Variants in SAMD3 observed in about 807,000 individuals in gnomAD.
SAMD3 encodes sterile alpha motif domain containing 3.
A neutral mutation model predicts 58.5 loss-of-function variants in SAMD3; 63 were observed. The ratio of observed to expected loss-of-function variants is 1.08; its 90% confidence interval spans 0.88 to 1.33. The LOEUF (loss-of-function observed/expected upper bound fraction) is 1.33. Ranked by LOEUF, SAMD3 falls within the 40% of genes most tolerant of loss-of-function variation. SAMD3 has a pLI of 0.00. For missense variants in SAMD3, 604 were observed against 608.4 expected (o/e 0.99, Z 0.08); for synonymous variants, 220 against 210.3 (o/e 1.05, Z -0.40).
downstream of SAMD3, chr6:130,143,610 C>T (rs1023062358): frequency 6.6e-6 from 1 of 152,154 alleles, no homozygotes; most frequent in Non-Finnish European, 1.5e-5. Context: ...ATGTTCATCC[C>T]ACCATGCTGT....
intron 2 of SAMD3, among the ~76,000 whole-genome samples, chr6:130,231,296 G>C (rs895006272): frequency 3.3e-5 from 5 of 152,092 alleles, no homozygotes; most frequent in Admixed American, 2.6e-4. Context: ...AGGCACAGTG[G>C]TTCACACCTG....
intron 1 of SAMD3, among the ~76,000 whole-genome samples, chr6:130,332,456 A>C (rs4895881): frequency 0.45 from 68,003 of 152,014 alleles, 17,608 homozygotes; most frequent in African/African-American, 0.72. Context: ...TTAGAATTTG[A>C]CAGAGAAGGT....
chr6:130,211,568 C>T (rs947160065), intron 4 of SAMD3, among the ~76,000 whole-genome samples: 1 of 151,988 alleles, frequency 6.6e-6, no homozygotes, highest in Non-Finnish European at 1.5e-5. Flanking sequence ...ACAGGCATAA[C>T]CCACCACGCC....
chr6:130,288,744 T>A (rs4897400), intron 2 of SAMD3, among the ~76,000 whole-genome samples: 42,154 of 151,898 alleles, frequency 0.28, 6,255 homozygotes, highest in East Asian at 0.44. Context: ...TAGTGATAGG[T>A]TTGCAAAATT....
intron 5 of SAMD3, among the ~76,000 whole-genome samples, chr6:130,195,692 G>A (rs979347360): frequency 2.0e-5 from 3 of 152,118 alleles, no homozygotes; most frequent in Non-Finnish European, 2.9e-5. Context: ...TACCTGGGCT[G>A]TACTGCTGCA....
chr6:130,236,480 T>C (rs1773152651), intron 2 of SAMD3, among the ~76,000 whole-genome samples: 1 of 151,326 alleles, frequency 6.6e-6, no homozygotes, highest in Non-Finnish European at 1.5e-5. Flanking sequence ...GCCTCCCGGG[T>C]TGAAGCAATT....
chr6:130,184,013 G>C (rs1285581765), intron 7 of SAMD3, 90 bp downstream of exon 7: 3 of 939,252 alleles, frequency 3.2e-6, no homozygotes, highest in Non-Finnish European at 5.2e-6. Flanking sequence ...ACCAAGAAAA[G>C]ATGGGTGAAG....
intron 9 of SAMD3, among the ~76,000 whole-genome samples, chr6:130,149,424 T>C (rs1298291292): frequency 1.3e-5 from 2 of 152,212 alleles, no homozygotes; most frequent in Non-Finnish European, 2.9e-5. Flanking sequence ...CATATATTCA[T>C]TGCAGCACTA....
intron 5 of SAMD3, among the ~76,000 whole-genome samples, chr6:130,193,914 C>T (rs1184032288): frequency 6.6e-6 from 1 of 152,098 alleles, no homozygotes; most frequent in Non-Finnish European, 1.5e-5. Flanking sequence ...TTCTTTCCCT[C>T]CCTCCTGTCC....
At chr6:130,229,461 A>G (rs1796478860) in intron 2 of SAMD3, among the ~76,000 whole-genome samples, 1 of 152,130 alleles carries the variant, frequency 6.6e-6, no homozygotes, top group Non-Finnish European at 1.5e-5. Flanking sequence ...TGAACTTAGT[A>G]TTCATGGGAA....
At chr6:130,259,323 T>C (rs1259547301) in intron 2 of SAMD3, among the ~76,000 whole-genome samples, 1 of 152,224 alleles carries the variant, frequency 6.6e-6, no homozygotes, top group African/African-American at 2.4e-5. Context: ...CCACTCACTG[T>C]AGAGGGCAAA....
At chr6:130,244,742 A>AAAAAAT (rs150924956) in intron 2 of SAMD3, among the ~76,000 whole-genome samples, 3,528 of 141,108 alleles carry the variant, frequency 0.025, 76 homozygotes, top group Non-Finnish European at 0.036. Flanking sequence ...TGTCTCAAAA[A>AAAAAAT]AAAAATAAAA....
Position 130,184,103 on chromosome 6 carries a change from G to A in SAMD3, c.654C>T (p.Phe218=), listed in dbSNP as rs766792443. 1.7e-5 allele frequency: 27 copies of A among 1,612,990 alleles called. No homozygotes were observed. The Admixed American group carries it at 2.3e-4, about 14-fold the overall frequency. The change falls in exon 7 of 12, where the codon TTC becomes TTT. Residue 218 remains phenylalanine (F), a splice_region_variant and synonymous_variant. Transcript: ENST00000439090. ...HPFLDEDGCG[F]FLWKRALKDR... is the part of the protein sequence containing the mutation. ...AGGATGGTGCCATGTGGTCACTTAC[G>A]AAGCCACAGCCATCCTCATCCAGGA...
chr6:130,195,275 C>T (rs1053794251), intron 5 of SAMD3, among the ~76,000 whole-genome samples: 1 of 152,094 alleles, frequency 6.6e-6, no homozygotes, highest in African/African-American at 2.4e-5. Context: ...ACCGATTATG[C>T]ACCCCTTACC....
At chr6:130,355,386 T>C (rs1777795721) in intron 1 of SAMD3, among the ~76,000 whole-genome samples, 1 of 152,066 alleles carries the variant, frequency 6.6e-6, no homozygotes, top group Non-Finnish European at 1.5e-5. Context: ...ATTGCACCAC[T>C]GCACTCCAGC....
chr6:130,227,255 A>T (rs1796406941), upstream of SAMD3, among the ~76,000 whole-genome samples: 1 of 152,304 alleles, frequency 6.6e-6, no homozygotes, highest in South Asian at 2.1e-4. Flanking sequence ...TATTTCTCTC[A>T]GTATAATGTT....
At chr6:130,205,463 C>T (rs544985287) in intron 5 of SAMD3, among the ~76,000 whole-genome samples, 1 of 152,126 alleles carries the variant, frequency 6.6e-6, no homozygotes, top group East Asian at 1.9e-4. Context: ...GATACCATGC[C>T]AGGCTAATTT....
At chr6:130,163,555 A>G (rs1409772240) in intron 8 of SAMD3, among the ~76,000 whole-genome samples, 1 of 152,184 alleles carries the variant, frequency 6.6e-6, no homozygotes, top group Non-Finnish European at 1.5e-5. Context: ...TACTTGTAAA[A>G]CTTCGCAGTA....
intron 9 of SAMD3, among the ~76,000 whole-genome samples, chr6:130,153,707 A>G (rs35366409): frequency 0.041 from 5,614 of 137,558 alleles, 160 homozygotes; most frequent in Non-Finnish European, 0.065. Flanking sequence ...ACAGGGTCTC[A>G]CTGTGTCACC....
Sources: gnomAD v4.1 joint callset for allele counts (sites outside exome capture counted in the v4.1 genomes callset) on GRCh38, gnomAD v4.1.1 for gene constraint, MANE v1.5 for transcripts, NCBI Gene and HGNC (gene_info 2026-07-23, HGNC 2026-07-21) for gene names.